DQX1: variants seen among roughly 807,000 people sequenced by gnomAD.
DQX1 encodes the protein DEAQ-box RNA dependent ATPase 1.
DQX1 carries 66 observed loss-of-function variants against 81.3 expected under a neutral mutation model. That is an observed-to-expected ratio of 0.81 (90% confidence interval 0.67 to 1.00). DQX1 has a LOEUF of 1.00. DQX1 is among the 50% of genes least tolerant of loss of function. The pLI is 0.00. For synonymous variants in DQX1, 290 were observed against 350.0 expected, an observed-to-expected ratio of 0.83 and a Z score of 1.91; for missense variants, 798 against 867.9, an observed-to-expected ratio of 0.92 and a Z score of 1.01.
At chr2:74,518,779 A>G (rs1412836734) in intron 11 of DQX1, among the ~76,000 whole-genome samples, 177 bp from the exon 12 acceptor site, 12 of 151,972 alleles carry the variant, frequency 7.9e-5, no homozygotes, top group Admixed American at 7.9e-4. Context: ...CTCCCACCTC[A>G]ATCTCCCAAG....
Position 74,525,120 on chromosome 2 carries a change from G to A in DQX1, c.320C>T (p.Ala107Val). 1 of 1,614,022 alleles carries A rather than the reference G, an allele frequency of 6.2e-7. No individual in the cohort carries two copies. The highest frequency in any genetic ancestry group is 8.5e-7 in the Non-Finnish European group (1 of 1,179,942). The change falls in exon 3 of 12, where the codon GCA (alanine) becomes GTA (valine). Residue 107 changes from alanine to valine, a missense_variant. By Grantham distance (64) the Ala-to-Val change is moderately conservative. Transcript: ENST00000404568. The surrounding 1 kb of genome is among the most constrained non-coding windows in gnomAD (Gnocchi z 4.1). ...QVTVTQPYPL[A>V]ARSLALRVAD... ...AACCCGCAGAGCCAGGCTCCGGGCT[G>A]CAAGAGGGTAGGGCTGAGTAACAGT...
rs150473457 is a variant in DQX1, at chr2:74,519,620, G to A, written c.1742C>T (p.Ala581Val). ...TCTGCGATTCTGCTCAGAGCCAAAG[G>A]CTGGTAGGGACAAGGGAAGTTCAAT... ...QRIELPLSLP[A>V]FGSEQNRRDL... Residue 581 changes from alanine (A) to valine (V), a missense_variant, in exon 10 of 12, where the codon GCC becomes GTC. Ala to Val is a moderately conservative substitution (Grantham distance 64). Transcript: ENST00000404568. The A allele has an allele frequency of 2.5e-6, 4 of 1,614,224 alleles. No individual in the cohort carries two copies. The highest frequency in any genetic ancestry group is 3.4e-6 in the Non-Finnish European group (4 of 1,180,038).
Position 74,518,613 on chromosome 2 carries a change from G to C in DQX1, c.1998-11C>G, listed in dbSNP as rs1572982845. 6.2e-7 allele frequency: 1 copy of C among 1,613,412 alleles called. No homozygotes were observed. Among genetic ancestry groups the C allele is most frequent in the Non-Finnish European group, 8.5e-7 (1 of 1,179,472 alleles). On this transcript the variant is annotated splice_polypyrimidine_tract_variant and intron_variant, in intron 11 of 11. Transcript: ENST00000404568. ...GCCAATTCCACCAGCCTAATAGAGA[G>C]AGTCATAATTAGATGATCTGCATCT...
At position 74,523,942 on chromosome 2, in the gene DQX1, A is replaced by G. The variant is rs1572985855; in HGVS notation, c.797T>C (p.Val266Ala). ...CRKELPGDVL[V>A]FLPSEEEISL... ...TTTTACCTCCTCACTGGGCAGGAAC[A>G]CTAGCACATCTCCTGGAAGCTCCTT... is the stretch of plus-strand genomic sequence containing the variant. The change falls in exon 4 of 12, where the codon GTG (valine) becomes GCG (alanine). Residue 266 changes from valine to alanine, a missense_variant. By Grantham distance (64) the Val-to-Ala change is moderately conservative. Transcript: ENST00000404568. 3 of 1,601,334 alleles carry G rather than the reference A, an allele frequency of 1.9e-6. No individual in the cohort carries two copies. Among genetic ancestry groups the G allele is most frequent in the Middle Eastern group, 1.7e-4 (1 of 6,024 alleles).
rs747022988 is a variant in DQX1, at chr2:74,523,318, G to C, written c.1036C>G (p.Leu346Val). The part of the protein sequence containing the change: ...IQHVIDSGLE[L>V]RSVYNPRIRA... ...CTCTCTCTCTCACTCACACTTCGGAGCTCCAGTCCTGAGTCGATGACATGT... is the reference window on the plus strand; with the variant it reads ...CTCTCTCTCTCACTCACACTTCGGACCTCCAGTCCTGAGTCGATGACATGT... Residue 346 changes from leucine (L) to valine (V), a missense_variant, in exon 5 of 12, where the codon CTC (leucine) becomes GTC (valine). Physicochemically the swap from Leu to Val is conservative, Grantham distance 32. Coordinates refer to ENST00000404568, the MANE Select transcript of DQX1 (RefSeq NM_133637.3). 10 of 1,614,050 alleles carry C rather than the reference G, an allele frequency of 6.2e-6. No homozygotes were observed. In the East Asian group the frequency reaches 1.6e-4, roughly 25 times the overall value.
chr2:74,519,305 T>C, intron 10 of DQX1, 75 bp from the exon 11 acceptor site: 2 of 1,471,022 alleles, frequency 1.4e-6, no homozygotes, highest in Non-Finnish European at 1.8e-6. Context: ...TAAAAGGGGA[T>C]TGAGAAAGAG....
rs6546909 is a variant in DQX1, at chr2:74,519,195, A to T, written c.1842T>A (p.Leu614=). 0.21 allele frequency: 333,150 copies of T among 1,593,406 alleles called. 56,858 individuals are homozygous for T. The highest frequency in any genetic ancestry group is 0.83 in the East Asian group (37,027 of 44,474). ...ARDTDGTGNY[L]LLTHKHVAQL... is the part of the protein sequence containing the mutation. ...GGGCCACATGCTTATGGGTTAGGAG[A>T]AGGTAATTTCCAGTCCCGTCTGTGT... The change falls in exon 11 of 12, where the codon CTT becomes CTA. Residue 614 remains leucine, a synonymous_variant. Coordinates refer to ENST00000404568, the MANE Select transcript of DQX1 (RefSeq NM_133637.3).
At chr2:74,521,253 TAG>T (rs1204585085) in intron 8 of DQX1, among the ~76,000 whole-genome samples, 1 of 152,184 alleles carries the variant, frequency 6.6e-6, no homozygotes, top group African/African-American at 2.4e-5. Context: ...TCTAAGACTC[TAG>T]AGAGAGGAAA....
In DQX1 at chr2:74,519,171, G is replaced by C; in HGVS notation, c.1866C>G (p.Ala622=). The part of the protein sequence containing the change: ...NYLLLTHKHV[A]QLSSYCCYRS... Reference sequence around the variant, plus strand: ...GGTAGCAGCAGTATGAGGAGAGCTGGGCCACATGCTTATGGGTTAGGAGAA... The same window carrying C: ...GGTAGCAGCAGTATGAGGAGAGCTGCGCCACATGCTTATGGGTTAGGAGAA... The change falls in exon 11 of 12, where the codon GCC becomes GCG. Residue 622 remains alanine (A), a synonymous_variant. Coordinates refer to ENST00000404568, the MANE Select transcript of DQX1 (RefSeq NM_133637.3). 3.7e-6 allele frequency: 6 copies of C among 1,612,108 alleles called. No homozygotes were observed. The highest frequency in any genetic ancestry group is 5.1e-6 in the Non-Finnish European group (6 of 1,179,018).
intron 3 of DQX1, 135 bp from the exon 4 acceptor site, chr2:74,524,442 A>G (rs1675119765): frequency 1.6e-6 from 2 of 1,258,302 alleles, no homozygotes; most frequent in Admixed American, 2.6e-5. Flanking sequence ...TCCTGAGCCT[A>G]TGGACCCATA....
rs558586821 is a variant in DQX1, at chr2:74,520,042, C to T, written c.1496-8G>A. On this transcript the variant is annotated splice_region_variant and splice_polypyrimidine_tract_variant and intron_variant, in intron 8 of 11. Transcript: ENST00000404568. ...GGGTAAACCCAGGGGCAGCTGGAGG[C>T]AGAAGAGTGGAAGGTAGAATCTGCC... 5 of 1,610,054 alleles carry T rather than the reference C, an allele frequency of 3.1e-6. No individual in the cohort carries two copies. The East Asian group carries it at 6.7e-5, about 22-fold the overall frequency.
chr2:74,521,769 CTCTCCCCCTCTTTCCCTCTCCCT>C (rs1675033475), intron 8 of DQX1, among the ~76,000 whole-genome samples: 1 of 134,550 alleles, frequency 7.4e-6, no homozygotes, highest in African/African-American at 3.8e-5. Flanking sequence ...CCCTCTCCCT[CTCTCCCCCTCTTTCCCTCTCCCT>C]CTCTCCCCCT....
chr2:74,525,790 C>T lies in DQX1; in HGVS notation c.-19-42G>A, dbSNP rs928403170. 1.5e-5 allele frequency: 21 copies of T among 1,400,028 alleles called. No individual in the cohort carries two copies. Among genetic ancestry groups the T allele is most frequent in the African/African-American group, 8.6e-5 (6 of 70,082 alleles). 86.7% of individuals were successfully genotyped at this position (1,400,028 alleles called of 1,614,324 possible). Reference sequence around the variant, plus strand: ...AGCCAGTAAGGTCATATTTGGTGACCGACACCATCTTCCCACCTCAGCCCT... The same window carrying T: ...AGCCAGTAAGGTCATATTTGGTGACTGACACCATCTTCCCACCTCAGCCCT... On this transcript the variant is annotated intron_variant, in intron 1 of 11. Transcript: ENST00000404568. The surrounding 1 kb of genome is among the most constrained non-coding windows in gnomAD (Gnocchi z 4.1).
intron 10 of DQX1, 141 bp downstream of exon 10, chr2:74,519,415 T>C: frequency 7.5e-7 from 1 of 1,330,950 alleles, no homozygotes; most frequent in Non-Finnish European, 1.0e-6. Context: ...GTACCTCAAA[T>C]CCTCAAGGGA....
rs773569839 is a variant in DQX1 at position 74,525,101 on chromosome 2, C to A, written c.339G>T (p.Leu113=). 9.3e-6 allele frequency: 15 copies of A among 1,614,128 alleles called. 1 individual carries two copies. The South Asian group carries it at 1.6e-4, about 18-fold the overall frequency. Residue 113 remains leucine (L), a synonymous_variant, in exon 3 of 12, where the codon CTG becomes CTT. Transcript: ENST00000404568. The surrounding 1 kb of genome is among the most constrained non-coding windows in gnomAD (Gnocchi z 4.1). The part of the protein sequence containing the change: ...PYPLAARSLA[L]RVADEMDLTL... ...TCAGGTCCATCTCATCAGCAACCCGCAGAGCCAGGCTCCGGGCTGCAAGAG... is the reference window on the plus strand; with the variant it reads ...TCAGGTCCATCTCATCAGCAACCCGAAGAGCCAGGCTCCGGGCTGCAAGAG...
rs1342172157 is a variant in DQX1, at chr2:74,525,124, GAGGGT to G, written c.311_315del (p.Tyr104SerfsTer12). 6.2e-7 allele frequency: 1 copy of G among 1,614,058 alleles called. No individual in the cohort carries two copies. The highest frequency in any genetic ancestry group is 1.7e-5 in the Admixed American group (1 of 60,016). ...CGCAGAGCCAGGCTCCGGGCTGCAAGAGGGTAGGGCTGAGTAACAGTAACCTGTCC... is the reference window on the plus strand; with the variant it reads ...CGCAGAGCCAGGCTCCGGGCTGCAAGAGGGCTGAGTAACAGTAACCTGTCC... On this transcript the variant is annotated frameshift_variant, in exon 3 of 12. Coordinates refer to ENST00000404568, the MANE Select transcript of DQX1 (RefSeq NM_133637.3). LOFTEE classifies it high-confidence loss of function. This position sits in a 1 kb window ranked among gnomAD's most constrained non-coding sequence, Gnocchi z 4.1.
Position 74,518,338 on chromosome 2 carries a change from T to C in DQX1, c.*108A>G. 1 of 1,374,694 alleles carries C rather than the reference T, an allele frequency of 7.3e-7. No homozygotes were observed. Among genetic ancestry groups the C allele is most frequent in the Non-Finnish European group, 1.0e-6 (1 of 1,004,706 alleles). 85.2% of individuals were successfully genotyped at this position (1,374,694 alleles called of 1,614,324 possible). ...GGGACTCAGGTTCCAGGGTTTACAT[T>C]TGACCCTAAACTTTGGGCTTCTAAA... On this transcript the variant is annotated 3_prime_UTR_variant, in exon 12 of 12. Coordinates refer to ENST00000404568, the MANE Select transcript of DQX1 (RefSeq NM_133637.3).
chr2:74,521,752 C>T (rs1329283844), intron 8 of DQX1, among the ~76,000 whole-genome samples: 4 of 134,088 alleles, frequency 3.0e-5, no homozygotes, highest in African/African-American at 1.5e-4. Flanking sequence ...CCCCTCTCCC[C>T]CTCTTTCCCT....
At position 74,525,474 on chromosome 2, in the gene DQX1, C is replaced by T; in HGVS notation, c.237+19G>A. On this transcript the variant is annotated intron_variant, in intron 2 of 11. Transcript: ENST00000404568. The surrounding 1 kb of genome is among the most constrained non-coding windows in gnomAD (Gnocchi z 4.1). ...TGTCCACTCCCAGAATCTGCCTGCC[C>T]CCACAACCCCCACCACACCTGGGTG... 6.5e-7 allele frequency: 1 copy of T among 1,550,208 alleles called. No homozygotes were observed.
Sources: gnomAD v4.1 joint callset for allele counts (sites outside exome capture counted in the v4.1 genomes callset) on GRCh38, gnomAD v4.1.1 for gene constraint, Gnocchi (gnomAD v3.1) non-coding constraint, MANE v1.5 for transcripts, NCBI Gene and HGNC (gene_info 2026-07-23, HGNC 2026-07-21) for gene names.